Variants in SORBS2 observed in about 807,000 individuals in gnomAD.
SORBS2 encodes the protein sorbin and SH3 domain containing 2.
A neutral mutation model predicts 97.7 loss-of-function variants in SORBS2; 46 were observed. That is an observed-to-expected ratio of 0.47 (90% CI 0.37 to 0.60). The LOEUF is 0.60. Among genes scored for constraint, SORBS2 ranks in the 20% least tolerant of loss-of-function variants. SORBS2 has a pLI of 0.00. For synonymous variants in SORBS2, 476 were observed against 473.4 expected, an observed-to-expected ratio of 1.01 and a Z score of -0.07; for missense variants, 1,316 against 1,282.3, an observed-to-expected ratio of 1.03 and a Z score of -0.40.
At chr4:185,824,542 C>T (rs563107162) in intron 1 of SORBS2, among the ~76,000 whole-genome samples, 2 of 152,248 alleles carry the variant, frequency 1.3e-5, no homozygotes, top group South Asian at 4.1e-4. Flanking sequence ...ATAATCCTTT[C>T]TGGGAAAAAA....
At chr4:185,617,087 C>G (rs898164086) in intron 9 of SORBS2, among the ~76,000 whole-genome samples, 1 of 152,172 alleles carries the variant, frequency 6.6e-6, no homozygotes, top group Non-Finnish European at 1.5e-5. Flanking sequence ...ACCTCGTGAG[C>G]CTTGGGTGGA....
At chr4:185,910,376 CCCT>C (rs1300806193) in intron 1 of SORBS2, among the ~76,000 whole-genome samples, 1 of 152,110 alleles carries the variant, frequency 6.6e-6, no homozygotes, top group Admixed American at 6.6e-5. Flanking sequence ...CCTTCAAAAC[CCCT>C]TTATGAAGTT....
At chr4:185,669,237 C>T (rs1251656753) in intron 4 of SORBS2, among the ~76,000 whole-genome samples, 2 of 152,164 alleles carry the variant, frequency 1.3e-5, no homozygotes, top group African/African-American at 4.8e-5. Flanking sequence ...AGGAAAGTAT[C>T]CAGGATGTGC....
chr4:185,711,995 A>G (rs1194430393), intron 2 of SORBS2, among the ~76,000 whole-genome samples: 1 of 152,110 alleles, frequency 6.6e-6, no homozygotes, highest in Admixed American at 6.5e-5. Flanking sequence ...AACTCCTCCT[A>G]CTATCCTCAT....
intron 2 of SORBS2, among the ~76,000 whole-genome samples, chr4:185,740,957 C>A (rs573992091): frequency 1.3e-5 from 2 of 151,672 alleles, no homozygotes; most frequent in Admixed American, 1.3e-4. Context: ...AGCCCAGCAC[C>A]AACTCAGATC....
At chr4:185,824,539 T>G (rs919087592) in intron 1 of SORBS2, among the ~76,000 whole-genome samples, 1 of 152,146 alleles carries the variant, frequency 6.6e-6, no homozygotes, top group African/African-American at 2.4e-5. Flanking sequence ...GCTATAATCC[T>G]TTCTGGGAAA....
chr4:185,700,180 G>C (rs1300247885), intron 2 of SORBS2, among the ~76,000 whole-genome samples: 1 of 152,180 alleles, frequency 6.6e-6, no homozygotes, highest in African/African-American at 2.4e-5. Flanking sequence ...AAGTCTAAGG[G>C]CTTTAATGCA....
intron 4 of SORBS2, among the ~76,000 whole-genome samples, chr4:185,672,966 C>T (rs947637744): frequency 1.3e-5 from 2 of 152,096 alleles, no homozygotes; most frequent in Admixed American, 1.3e-4. Flanking sequence ...AGAAACAAAC[C>T]AAATGTCCAT....
At chr4:185,933,505 C>T (rs1261176270) in intron 1 of SORBS2, 1 of 152,112 alleles carries the variant, frequency 6.6e-6, no homozygotes, top group Non-Finnish European at 1.5e-5. Flanking sequence ...CAGACTGGTT[C>T]CTTCTGAGGC....
chr4:185,758,773 A>C (rs1435313056), intron 2 of SORBS2, among the ~76,000 whole-genome samples: 5 of 152,170 alleles, frequency 3.3e-5, no homozygotes, highest in Admixed American at 2.0e-4. Context: ...TCATACTGGA[A>C]GGCCACTCAC....
chr4:185,928,303 C>A (rs2099264722), intron 1 of SORBS2, among the ~76,000 whole-genome samples: 1 of 152,050 alleles, frequency 6.6e-6, no homozygotes, highest in Non-Finnish European at 1.5e-5. Context: ...CATTGGGAGG[C>A]TGAGGCGGGA....
At chr4:185,899,841 G>A (rs1007676223) in intron 1 of SORBS2, among the ~76,000 whole-genome samples, 8 of 152,154 alleles carry the variant, frequency 5.3e-5, no homozygotes, top group Non-Finnish European at 8.8e-5. Flanking sequence ...CATACTGGAC[G>A]CCATGGAAGA....
chr4:185,706,551 C>A (rs1321240888), intron 2 of SORBS2, among the ~76,000 whole-genome samples: 1 of 151,824 alleles, frequency 6.6e-6, no homozygotes, highest in African/African-American at 2.4e-5. Flanking sequence ...CCTTCTGTCA[C>A]TAAACATCTA....
intron 4 of SORBS2, among the ~76,000 whole-genome samples, chr4:185,670,665 T>A (rs1356666971): frequency 1.3e-5 from 2 of 151,706 alleles, no homozygotes; most frequent in African/African-American, 4.8e-5. Context: ...ATTACAGGCA[T>A]GAGCCACTGT....
At chr4:185,660,843 C>G (rs565669768), upstream of SORBS2, among the ~76,000 whole-genome samples, 2 of 152,176 alleles carry the variant, frequency 1.3e-5, no homozygotes, top group Non-Finnish European at 2.9e-5. Flanking sequence ...CTGAGAATTC[C>G]CCTCTGCTCC....
At chr4:185,818,333 G>C (rs538362486) in intron 1 of SORBS2, among the ~76,000 whole-genome samples, 2 of 152,106 alleles carry the variant, frequency 1.3e-5, no homozygotes, top group African/African-American at 4.8e-5. Context: ...GGGATTACAG[G>C]TGTCCGCCAC....
chr4:185,739,288 G>A (rs2098707828), intron 2 of SORBS2, among the ~76,000 whole-genome samples: 1 of 152,122 alleles, frequency 6.6e-6, no homozygotes, highest in Admixed American at 6.5e-5. Context: ...CAAAACACAG[G>A]CTTGAAAAAG....
At chr4:185,954,576 A>C (rs2099278717) in intron 1 of SORBS2, among the ~76,000 whole-genome samples, 1 of 152,248 alleles carries the variant, frequency 6.6e-6, no homozygotes, top group African/African-American at 2.4e-5. Context: ...TCACCAGACC[A>C]TAATTAGTAA....
chr4:185,661,698 A>G (rs1186611740), upstream of SORBS2, among the ~76,000 whole-genome samples: 1 of 152,078 alleles, frequency 6.6e-6, no homozygotes, highest in African/African-American at 2.4e-5. Context: ...CTCCTGTTAC[A>G]CTGTTTTAAC....
Sources: gnomAD v4.1 joint callset for allele counts (sites outside exome capture counted in the v4.1 genomes callset) on GRCh38, gnomAD v4.1.1 for gene constraint, MANE v1.5 for transcripts, NCBI Gene and HGNC (gene_info 2026-07-23, HGNC 2026-07-21) for gene names.